TTC7A: variants seen among roughly 807,000 people sequenced by gnomAD.
TTC7A encodes tetratricopeptide repeat domain 7A.
In TTC7A, 110 loss-of-function variants were observed where a neutral mutation model predicts 103.7. That is an observed-to-expected ratio of 1.06 (90% CI 0.91 to 1.24). TTC7A has a LOEUF of 1.24. TTC7A is among the 50% of genes most tolerant of loss of function. The pLI, the probability that TTC7A is intolerant of heterozygous loss-of-function variation, is 0.00. For missense variants in TTC7A, 1,340 were observed against 1,116.3 expected (o/e 1.20, Z -2.86); for synonymous variants, 521 against 467.9 (o/e 1.11, Z -1.47).
At chr2:47,047,506 G>A (rs114133814) in intron 16 of TTC7A, among the ~76,000 whole-genome samples, 1 of 152,368 alleles carries the variant, frequency 6.6e-6, no homozygotes, top group African/African-American at 2.4e-5. Context: ...GATGCATGAA[G>A]CCAAGGGCCA....
chr2:46,956,205 A>G (rs982769649), intron 2 of TTC7A, among the ~76,000 whole-genome samples: 1 of 152,158 alleles, frequency 6.6e-6, no homozygotes, highest in African/African-American at 2.4e-5. Context: ...GGGGAAAGAA[A>G]ACACGTTTAA....
chr2:47,054,863 A>G (rs528925996), intron 18 of TTC7A, among the ~76,000 whole-genome samples: 2 of 151,252 alleles, frequency 1.3e-5, no homozygotes, highest in South Asian at 2.1e-4. Context: ...CAGGGGATCT[A>G]TCCTGCTAGA....
chr2:46,995,104 C>G (rs768890882), intron 7 of TTC7A, 32 bp from the exon 8 acceptor site: 1 of 1,611,968 alleles, frequency 6.2e-7, no homozygotes, highest in Admixed American at 1.7e-5. Context: ...GAGGTGTGTG[C>G]TCTAGCCAGG....
chr2:46,931,210 C>A (rs1374224780), intron 2 of TTC7A, among the ~76,000 whole-genome samples: 1 of 152,156 alleles, frequency 6.6e-6, no homozygotes, highest in African/African-American at 2.4e-5. Flanking sequence ...TCAGCTGTAG[C>A]TGGGATTATA....
intron 11 of TTC7A, among the ~76,000 whole-genome samples, chr2:47,018,767 T>C (rs917448320): frequency 6.6e-6 from 1 of 152,108 alleles, no homozygotes; most frequent in Non-Finnish European, 1.5e-5. Flanking sequence ...CCATCTTATC[T>C]CATCCTGTCC....
intron 18 of TTC7A, among the ~76,000 whole-genome samples, chr2:47,054,816 T>G: frequency 1.4e-5 from 2 of 142,342 alleles, no homozygotes; most frequent in Non-Finnish European, 1.5e-5. Context: ...GCCTGGGCAA[T>G]GGGAGTGAGA....
rs769713765 is a variant in TTC7A at position 46,994,510 on chromosome 2, G to C, written c.997G>C (p.Asp333His). The C allele has an allele frequency of 1.2e-6, 2 of 1,613,884 alleles. No individual in the cohort carries two copies. The highest frequency in any genetic ancestry group is 1.3e-5 in the African/African-American group (1 of 75,012). The change falls in exon 7 of 20, where the codon GAC (aspartate) becomes CAC (histidine). Residue 333 changes from aspartate to histidine, a missense_variant. Physicochemically the swap from Asp to His is moderately conservative, Grantham distance 81. Coordinates refer to ENST00000319190, the MANE Select transcript of TTC7A (RefSeq NM_020458.4). ...GCGGAAACCTCACCTCTATGAAGGA[G>C]ACAAGTAAGTTCTGCCTGCCCTGCT... is the stretch of plus-strand genomic sequence containing the variant. ...ALRKPHLYEG[D>H]NLYCPKDNIE... is the part of the protein sequence containing the mutation.
At position 47,073,730 on chromosome 2, in the gene TTC7A, A is replaced by G; in HGVS notation, c.2384A>G (p.Lys795Arg). 6.2e-7 allele frequency: 1 copy of G among 1,613,588 alleles called. No homozygotes were observed. Among genetic ancestry groups the G allele is most frequent in the Non-Finnish European group, 8.5e-7 (1 of 1,179,826 alleles). Residue 795 changes from lysine (K) to arginine (R), a missense_variant, in exon 20 of 20, where the codon AAG becomes AGG. Physicochemically the swap from Lys to Arg is conservative, Grantham distance 26. Transcript: ENST00000319190. ...CTGATGCTGAGTCGGCTGGGCCACA[A>G]GAGCTTGGCCCAGAAGGTGCTTCGT... ...LGLMLSRLGH[K>R]SLAQKVLRDA...
intron 3 of TTC7A, among the ~76,000 whole-genome samples, chr2:46,974,416 A>G (rs1210148489): frequency 2.0e-5 from 3 of 152,186 alleles, no homozygotes; most frequent in Admixed American, 6.5e-5. Context: ...GATACTCTCC[A>G]GTTGGGAGAG....
chr2:46,967,709 C>G (rs1020509142), intron 3 of TTC7A, among the ~76,000 whole-genome samples: 2 of 152,234 alleles, frequency 1.3e-5, no homozygotes, highest in East Asian at 1.9e-4. Context: ...GTGAATAATG[C>G]TGCTATAAAT....
intron 14 of TTC7A, among the ~76,000 whole-genome samples, chr2:47,024,928 C>A (rs901302288): frequency 6.6e-6 from 1 of 152,176 alleles, no homozygotes; most frequent in Non-Finnish European, 1.5e-5. Flanking sequence ...GTCCAGGACT[C>A]CCCACCTCAG....
intron 19 of TTC7A, among the ~76,000 whole-genome samples, chr2:47,070,134 C>G (rs1684543847): frequency 6.6e-6 from 1 of 152,230 alleles, no homozygotes; most frequent in Admixed American, 6.5e-5. Context: ...AGGGCATCAT[C>G]AGGCACTGAA....
chr2:47,029,203 C>T (rs1031158640), intron 14 of TTC7A, 21 bp from the exon 15 acceptor site: 5 of 1,612,640 alleles, frequency 3.1e-6, no homozygotes, highest in Non-Finnish European at 4.2e-6. Context: ...GGAAGGCTAA[C>T]CTGGCGGGTT....
chr2:46,931,385 T>G (rs547090015), intron 2 of TTC7A, among the ~76,000 whole-genome samples: 80 of 152,376 alleles, frequency 5.3e-4, no homozygotes, highest in African/African-American at 1.9e-3. Context: ...CATGCTCAGA[T>G]TGAATGTTAT....
Position 47,006,732 on chromosome 2 carries a change from C to T in TTC7A, c.1287+8C>T, listed in dbSNP as rs1170924625. 1 of 1,608,824 alleles carries T rather than the reference C, an allele frequency of 6.2e-7. No homozygotes were observed. The highest frequency in any genetic ancestry group is 1.3e-5 in the African/African-American group (1 of 74,742). ...ATGGTGGCTTGTGGGAAGGTAAGGC[C>T]CAGGGGGCGCTAGGGGTTGCACACT... On this transcript the variant is annotated splice_region_variant and intron_variant, in intron 10 of 19. Transcript: ENST00000319190.
At chr2:46,960,825 G>A (rs974082755) in intron 3 of TTC7A, among the ~76,000 whole-genome samples, 3 of 150,266 alleles carry the variant, frequency 2.0e-5, no homozygotes, top group Non-Finnish European at 4.4e-5. Flanking sequence ...GAGGGTGCTG[G>A]GAGGCAGATT....
intron 19 of TTC7A, chr2:47,071,258 C>CCTGGGCCT (rs1684672386): frequency 6.6e-6 from 1 of 152,326 alleles, no homozygotes; most frequent in Admixed American, 6.5e-5. Flanking sequence ...TGTTACAGGC[C>CCTGGGCCT]CTGGGCCTCT....
intron 19 of TTC7A, among the ~76,000 whole-genome samples, chr2:47,067,167 A>G (rs1408496422): frequency 6.6e-6 from 1 of 152,242 alleles, no homozygotes; most frequent in Non-Finnish European, 1.5e-5. Context: ...TAAGTTGCTA[A>G]CACATGAATT....
chr2:47,032,844 C>A (rs1195150262), intron 15 of TTC7A, among the ~76,000 whole-genome samples: 3 of 114,900 alleles, frequency 2.6e-5, no homozygotes, highest in Non-Finnish European at 5.1e-5. Context: ...GAGAATAAAT[C>A]TCTGTTGTTT....
Sources: gnomAD v4.1 joint callset for allele counts (sites outside exome capture counted in the v4.1 genomes callset) on GRCh38, gnomAD v4.1.1 for gene constraint, MANE v1.5 for transcripts, NCBI Gene and HGNC (gene_info 2026-07-23, HGNC 2026-07-21) for gene names.